The following WWC1 variants were observed in gnomAD, a reference collection of about 807,000 sequenced individuals.
WWC1 encodes the protein WW and C2 domain containing 1, also known as protein KIBRA.
Under a neutral mutation model 138.4 loss-of-function variants are expected in WWC1, and 55 were observed. That is an observed-to-expected ratio of 0.40 (90% CI 0.32 to 0.50). The LOEUF (loss-of-function observed/expected upper bound fraction) is 0.50, where lower values mean the gene tolerates loss of function less well. Ranked by LOEUF, WWC1 falls within the 20% of genes least tolerant of loss-of-function variation. The probability of loss-of-function intolerance (pLI) is 0.72; values close to 1 mark genes in which losing one functional copy is unlikely to be tolerated. For missense variants in WWC1, 1,226 were observed against 1,420.4 expected (o/e 0.86, Z 2.20); for synonymous variants, 524 against 564.9 (o/e 0.93, Z 1.03).
chr5:168,402,835 C>G (rs1015176932), intron 5 of WWC1, among the ~76,000 whole-genome samples: 6 of 152,074 alleles, frequency 3.9e-5, no homozygotes, highest in Admixed American at 6.5e-5. Context: ...GCCCCTTTTT[C>G]AGAGTCTAAC....
At chr5:168,385,481 A>C in intron 3 of WWC1, 67 bp downstream of exon 3, 1 of 1,519,372 alleles carries the variant, frequency 6.6e-7, no homozygotes, top group Non-Finnish European at 9.0e-7. Context: ...GAGTTCTGCC[A>C]ATATTGCTTC....
Position 168,337,032 on chromosome 5 carries a change from G to A in WWC1, c.120-34392G>A, listed in dbSNP as rs529575970. Among the ~76,000 whole-genome samples, 6 of 152,292 alleles carry A rather than the reference G, an allele frequency of 3.9e-5. No homozygotes were observed. In the South Asian group the frequency reaches 1.0e-3, roughly 26 times the overall value. ...GTACCATGACCGCAGTGAGAAACTG[G>A]CACTGAGCTAAACAACCTTCACCTA... On this transcript the variant is annotated intron_variant, in intron 1 of 22. Transcript: ENST00000265293.
chr5:168,337,668 C>T (rs1438110437), intron 1 of WWC1, among the ~76,000 whole-genome samples: 1 of 152,208 alleles, frequency 6.6e-6, no homozygotes, highest in Non-Finnish European at 1.5e-5. Flanking sequence ...AGTGTTTGTG[C>T]TACAGACGGT....
rs568718071 is a variant in WWC1, at chr5:168,418,083, TTC to T, written c.1184+3497_1184+3498del. ...GTCTCCCCTCGCTCCTCTTTCTCTA[TTC>T]TCTGTCTCTCAAAATGGGATTATTA... On this transcript the variant is annotated intron_variant, in intron 9 of 22. Coordinates refer to ENST00000265293, the MANE Select transcript of WWC1 (RefSeq NM_015238.3). 2.8e-4 allele frequency among the ~76,000 whole-genome samples: 42 copies of T among 152,304 alleles called. 1 individual carries two copies. In the South Asian group the frequency reaches 8.5e-3, roughly 31 times the overall value.
intron 5 of WWC1, 106 bp from the exon 6 acceptor site, chr5:168,406,092 G>A: frequency 7.2e-7 from 1 of 1,379,428 alleles, no homozygotes; most frequent in Non-Finnish European, 9.9e-7. Flanking sequence ...GACAGAGGGA[G>A]GGGCCTTCTT....
intron 1 of WWC1, among the ~76,000 whole-genome samples, chr5:168,370,617 A>G (rs531423622): frequency 6.6e-6 from 1 of 152,202 alleles, no homozygotes; most frequent in Non-Finnish European, 1.5e-5. Flanking sequence ...GCTGAATCTC[A>G]TATACCCAGA....
Position 168,296,886 on chromosome 5 carries a change from A to G in WWC1, c.119+4615A>G, listed in dbSNP as rs145225282. The stretch of plus-strand genomic sequence containing the variant: ...AATCAAGACCACTGCTCCAGTGCCT[A>G]AGGAATTTGGCCTTGGGAAATGGAG... On this transcript the variant is annotated intron_variant, in intron 1 of 22. Coordinates refer to ENST00000265293, the MANE Select transcript of WWC1 (RefSeq NM_015238.3). 2.7e-3 allele frequency among the ~76,000 whole-genome samples: 409 copies of G among 152,286 alleles called. 3 individuals are homozygous for G. Among genetic ancestry groups the G allele is most frequent in the Non-Finnish European group, 4.1e-3 (281 of 68,022 alleles).
intron 1 of WWC1, among the ~76,000 whole-genome samples, chr5:168,300,474 C>CTT (rs1159775761): frequency 7.4e-6 from 1 of 134,936 alleles, no homozygotes; most frequent in African/African-American, 2.7e-5. Flanking sequence ...CTGCTCAATG[C>CTT]TTCTACCCAT....
chr5:168,462,626 C>T (rs1756916907), intron 20 of WWC1, among the ~76,000 whole-genome samples: 1 of 152,208 alleles, frequency 6.6e-6, no homozygotes, highest in Non-Finnish European at 1.5e-5. Context: ...TAAGGCAGGC[C>T]CTACAGGAGC....
Position 168,431,271 on chromosome 5 carries a change from C to G in WWC1, c.2107C>G (p.Leu703Val). 1.2e-6 allele frequency: 2 copies of G among 1,613,554 alleles called. No homozygotes were observed. Among genetic ancestry groups the G allele is most frequent in the East Asian group, 2.2e-5 (1 of 44,862 alleles). The change falls in exon 15 of 23, where the codon CTT becomes GTT. Residue 703 changes from leucine (L) to valine (V), a missense_variant. Around this residue, in one of 3 missense-constraint regions of WWC1, gnomAD observed 1,016 missense variants for 1,153.9 expected, o/e 0.88. Transcript: ENST00000265293. ...DQKVNIRVAVLPCSESTTCLF... is the reference protein window; with the variant it reads ...DQKVNIRVAVVPCSESTTCLF... ...CTCTAGGAATATCCGCGTGGCTGTC[C>G]TTCCTTGCTCTGAAAGCACAACCTG...
intron 3 of WWC1, 112 bp downstream of exon 3, chr5:168,385,526 T>C: frequency 9.2e-7 from 1 of 1,083,250 alleles, no homozygotes; most frequent in Admixed American, 2.5e-5. Context: ...CTCTACTCTT[T>C]GTCCAAACCA....
chr5:168,334,054 G>GAAAA (rs70976475), intron 1 of WWC1, among the ~76,000 whole-genome samples: 1 of 44,498 alleles, frequency 2.2e-5, no homozygotes, highest in Non-Finnish European at 3.9e-5. Context: ...CATCCCTACT[G>GAAAA]AAAAAAAAAA....
At chr5:168,411,904 G>C in intron 8 of WWC1, 1 of 902,908 alleles carries the variant, frequency 1.1e-6, no homozygotes, top group Non-Finnish European at 1.3e-6. Context: ...AGTACGAAAG[G>C]AGTGATTTCC....
chr5:168,326,955 G>A (rs901144813), intron 1 of WWC1, among the ~76,000 whole-genome samples: 1 of 152,212 alleles, frequency 6.6e-6, no homozygotes, highest in African/African-American at 2.4e-5. Flanking sequence ...GCCTTTGGTG[G>A]TTGAGGTCTC....
chr5:168,329,510 G>A (rs1419224488), intron 1 of WWC1, among the ~76,000 whole-genome samples: 1 of 152,190 alleles, frequency 6.6e-6, no homozygotes, highest in Non-Finnish European at 1.5e-5. Flanking sequence ...AGGGGAGAAG[G>A]AATGTCCGAA....
chr5:168,444,698 GA>G, intron 17 of WWC1, 113 bp downstream of exon 17: 2 of 1,138,496 alleles, frequency 1.8e-6, no homozygotes, highest in South Asian at 2.8e-5. Context: ...GGAAGGCTGA[GA>G]ACCCCTCTCC....
At chr5:168,457,954 G>T (rs1756478795) in intron 19 of WWC1, among the ~76,000 whole-genome samples, 1 of 152,214 alleles carries the variant, frequency 6.6e-6, no homozygotes, top group Admixed American at 6.5e-5. Context: ...AAGTCACCAG[G>T]TTGTGATTCA....
At chr5:168,438,987 A>G (rs564357368) in intron 15 of WWC1, among the ~76,000 whole-genome samples, 1 of 152,080 alleles carries the variant, frequency 6.6e-6, no homozygotes, top group African/African-American at 2.4e-5. Context: ...CTCACCATCT[A>G]TCCTATATAG....
At chr5:168,394,358 T>G (rs1316033119) in intron 3 of WWC1, among the ~76,000 whole-genome samples, 1 of 152,360 alleles carries the variant, frequency 6.6e-6, no homozygotes, top group African/African-American at 2.4e-5. Context: ...CATATATAAC[T>G]TTAATAAAAA....
Sources: gnomAD v4.1 joint callset for allele counts (sites outside exome capture counted in the v4.1 genomes callset) on GRCh38, gnomAD v4.1.1 for gene constraint, gnomAD v4.1.1 regional missense constraint, MANE v1.5 for transcripts, NCBI Gene and HGNC (gene_info 2026-07-23, HGNC 2026-07-21) for gene names.